The following MMEL1 variants were observed in gnomAD, a reference collection of about 807,000 sequenced individuals.
The protein encoded by MMEL1 is membrane metallo-endopeptidase-like 1.
In MMEL1, 98 loss-of-function variants were observed where a neutral mutation model predicts 117.1. That is an observed-to-expected ratio of 0.84 (90% CI 0.71 to 0.99). The LOEUF (loss-of-function observed/expected upper bound fraction) is 0.99. Ranked by LOEUF, MMEL1 falls within the 50% of genes least tolerant of loss-of-function variation. MMEL1 has a pLI of 0.00. For missense variants in MMEL1, 1,014 were observed against 1,049.1 expected, an observed-to-expected ratio of 0.97 and a Z score of 0.46; for synonymous variants, 390 against 415.1, an observed-to-expected ratio of 0.94 and a Z score of 0.74.
At chr1:2,632,301 C>T (rs184738335) in intron 1 of MMEL1, among the ~76,000 whole-genome samples, 326 of 152,334 alleles carry the variant, frequency 2.1e-3, no homozygotes, top group Middle Eastern at 0.01. Flanking sequence ...GGCAGGGGCA[C>T]CCTCTGTGGG....
intron 4 of MMEL1, among the ~76,000 whole-genome samples, chr1:2,610,669 A>G (rs1645110859): frequency 6.6e-6 from 1 of 152,174 alleles, no homozygotes; most frequent in African/African-American, 2.4e-5. Flanking sequence ...TGTGCACAGG[A>G]CAGGGGAGAC....
At position 2,602,766 on chromosome 1, in the gene MMEL1, C is replaced by T. The variant is rs371548151; in HGVS notation, c.1041+1118G>A. 3.5e-4 allele frequency among the ~76,000 whole-genome samples: 53 copies of T among 152,322 alleles called. 1 individual carries two copies. In the South Asian group the frequency reaches 0.011, roughly 31 times the overall value. The stretch of plus-strand genomic sequence containing the variant: ...TGCTCATTAGCTGGGAGTCCCTGCC[C>T]CAGACTCTTGGGGAACTGCTGTGTG... On this transcript the variant is annotated intron_variant, in intron 11 of 23. Transcript: ENST00000378412.
rs748587343 is a variant in MMEL1, at chr1:2,592,031, C to T, written c.2068-4G>A. 3.7e-6 allele frequency: 6 copies of T among 1,611,938 alleles called. No individual in the cohort carries two copies. The highest frequency in any genetic ancestry group is 1.3e-5 in the African/African-American group (1 of 75,006). The stretch of plus-strand genomic sequence containing the variant: ...CTGCCATCCACTTGAGGTAGGCCTG[C>T]AGGCACCAGACAGGAGCTGAGCTCA... On this transcript the variant is annotated splice_polypyrimidine_tract_variant and splice_region_variant and intron_variant, in intron 21 of 23. Transcript: ENST00000378412.
intron 2 of MMEL1, among the ~76,000 whole-genome samples, chr1:2,615,634 A>G (rs1645189345): frequency 6.6e-6 from 1 of 152,212 alleles, no homozygotes; most frequent in South Asian, 2.1e-4. Context: ...CTATTGGTTC[A>G]CTACTTGTGG....
rs915596556 is a variant in MMEL1 at position 2,595,150 on chromosome 1, A to G, written c.1584+126T>C. 1.8e-5 allele frequency: 15 copies of G among 845,726 alleles called. No individual in the cohort carries two copies. In the Admixed American group the frequency reaches 3.4e-4, roughly 19 times the overall value. 52.4% of individuals were successfully genotyped at this position (845,726 alleles called of 1,614,324 possible). On this transcript the variant is annotated intron_variant, in intron 16 of 23. Transcript: ENST00000378412. The surrounding 1 kb of genome is among the most constrained non-coding windows in gnomAD (Gnocchi z 4.8). Reference sequence around the variant, plus strand: ...AGTGCTGGAGCCACCACCCTAGGGCACGGTGAGGACAGCTGTGTTAGCGCC... The same window carrying G: ...AGTGCTGGAGCCACCACCCTAGGGCGCGGTGAGGACAGCTGTGTTAGCGCC...
intron 11 of MMEL1, 73 bp downstream of exon 11, chr1:2,603,811 C>G: frequency 2.1e-6 from 3 of 1,404,904 alleles, no homozygotes; most frequent in Non-Finnish European, 3.0e-6. Flanking sequence ...CGTGCCCTCT[C>G]AGAGGGCCGC....
chr1:2,608,546 T>TAC lies in MMEL1; in HGVS notation c.535+791_535+792dup, dbSNP rs1645068208. Among the ~76,000 whole-genome samples the TAC allele has an allele frequency of 3.6e-5, 2 of 56,136 alleles. 1 individual carries two copies. Among genetic ancestry groups the TAC allele is most frequent in the South Asian group, 1.7e-3 (2 of 1,210 alleles). The allele number at this position is 56,136 out of a possible 152,430, so 36.8% of individuals were successfully genotyped here. On this transcript the variant is annotated intron_variant, in intron 6 of 23. Coordinates refer to ENST00000378412, the MANE Select transcript of MMEL1 (RefSeq NM_033467.4). ...ACACATACACATACACACATACACA[T>TAC]ACACACATATACACATGTACACAAG...
At chr1:2,594,527 T>A in intron 17 of MMEL1, 84 bp from the exon 18 acceptor site, 1 of 1,441,558 alleles carries the variant, frequency 6.9e-7, no homozygotes, top group Non-Finnish European at 9.6e-7. Context: ...GACCAGGGCC[T>A]ACCCTGGCCA....
intron 2 of MMEL1, among the ~76,000 whole-genome samples, chr1:2,615,446 G>T (rs1645186831): frequency 6.6e-6 from 1 of 152,114 alleles, no homozygotes; most frequent in Non-Finnish European, 1.5e-5. Flanking sequence ...AGACTGTCAA[G>T]ATCACAAAAA....
At chr1:2,613,663 G>T (rs1265135544) in intron 2 of MMEL1, among the ~76,000 whole-genome samples, 1 of 152,004 alleles carries the variant, frequency 6.6e-6, no homozygotes, top group African/African-American at 2.4e-5. Context: ...ATTGCCTTTG[G>T]AGTCAAAGCA....
intron 2 of MMEL1, among the ~76,000 whole-genome samples, chr1:2,619,144 A>G (rs942747079): frequency 2.0e-5 from 3 of 152,084 alleles, no homozygotes; most frequent in African/African-American, 7.2e-5. Context: ...CTGCCAGGAG[A>G]GGGATCTGCG....
chr1:2,591,812 T>G (rs1404214493), intron 22 of MMEL1, 120 bp downstream of exon 22: 1 of 1,159,930 alleles, frequency 8.6e-7, no homozygotes, highest in African/African-American at 1.5e-5. Context: ...CTGCCCCTCA[T>G]GCTTTTCCCC....
At chr1:2,610,130 T>A (rs1358014230) in intron 4 of MMEL1, among the ~76,000 whole-genome samples, 1 of 152,124 alleles carries the variant, frequency 6.6e-6, no homozygotes. Flanking sequence ...AGCCTTGAAC[T>A]CCTGGGCTTA....
chr1:2,630,414 G>A (rs982204149), intron 1 of MMEL1, among the ~76,000 whole-genome samples: 1 of 152,246 alleles, frequency 6.6e-6, no homozygotes, highest in Non-Finnish European at 1.5e-5. Flanking sequence ...ACATGTTCTG[G>A]TGTGTGCATG....
intron 9 of MMEL1, 77 bp from the exon 10 acceptor site, chr1:2,604,358 G>A (rs1570672656): frequency 1.3e-6 from 2 of 1,576,668 alleles, no homozygotes; most frequent in Non-Finnish European, 1.7e-6. Flanking sequence ...TGGGGGTGGG[G>A]TGGGCGTAGG....
In MMEL1 at chr1:2,604,209, C is replaced by A. The variant is rs199706451; in HGVS notation, c.889G>T (p.Asp297Tyr). ...LLREDANLPR[D>Y]SCLVQEDMVQ... ...ATGTCCTCCTGCACCAGGCAGCTGT[C>A]CCTGGGCAGGTTTGCATCCTCCCGC... is the stretch of plus-strand genomic sequence containing the variant. Residue 297 changes from aspartate to tyrosine, a missense_variant, in exon 10 of 24, where the codon GAC (aspartate) becomes TAC (tyrosine). Asp to Tyr is a radical substitution (Grantham distance 160). Coordinates refer to ENST00000378412, the MANE Select transcript of MMEL1 (RefSeq NM_033467.4). The A allele has an allele frequency of 6.2e-7, 1 of 1,610,624 alleles. No homozygotes were observed. The highest frequency in any genetic ancestry group is 1.1e-5 in the South Asian group (1 of 90,962).
At chr1:2,629,586 G>A in intron 1 of MMEL1, 65 bp from the exon 2 acceptor site, 1 of 1,335,304 alleles carries the variant, frequency 7.5e-7, no homozygotes, top group Non-Finnish European at 9.7e-7. Flanking sequence ...GCCCGAGGCT[G>A]GAAGGGCCGG....
At chr1:2,591,883 G>A in intron 22 of MMEL1, 49 bp downstream of exon 22, 1 of 1,568,248 alleles carries the variant, frequency 6.4e-7, no homozygotes, top group Non-Finnish European at 8.8e-7. Context: ...GCCCTCCAGA[G>A]ATGAGTGGGG....
At chr1:2,621,340 A>G (rs189078079) in intron 2 of MMEL1, among the ~76,000 whole-genome samples, 1 of 152,318 alleles carries the variant, frequency 6.6e-6, no homozygotes, top group African/African-American at 2.4e-5. Flanking sequence ...ACTAAGTCTA[A>G]TAAGAACTAC....
Sources: gnomAD v4.1 joint callset for allele counts (sites outside exome capture counted in the v4.1 genomes callset) on GRCh38, gnomAD v4.1.1 for gene constraint, Gnocchi (gnomAD v3.1) non-coding constraint, MANE v1.5 for transcripts, NCBI Gene and HGNC (gene_info 2026-07-23, HGNC 2026-07-21) for gene names.